PDE11A: variants seen among roughly 807,000 people sequenced by gnomAD.
PDE11A encodes dual 3',5'-cyclic-AMP and -GMP phosphodiesterase 11A.
PDE11A carries 100 observed loss-of-function variants against 100.5 expected under a neutral mutation model. The ratio of observed to expected loss-of-function variants is 1.00; its 90% CI spans 0.85 to 1.18. The LOEUF is 1.18. Among genes scored for constraint, PDE11A ranks in the 50% most tolerant of loss-of-function variants. The pLI is 0.00. For synonymous variants in PDE11A, 381 were observed against 420.8 expected, an observed-to-expected ratio of 0.91 and a Z score of 1.16; for missense variants, 1,141 against 1,152.6, an observed-to-expected ratio of 0.99 and a Z score of 0.15.
At chr2:177,742,681 C>T (rs1428120728) in intron 10 of PDE11A, among the ~76,000 whole-genome samples, 1 of 152,186 alleles carries the variant, frequency 6.6e-6, no homozygotes, top group Admixed American at 6.5e-5. Context: ...CTAGAGAGTC[C>T]ACCCCTTGGC....
At chr2:177,824,256 A>G (rs1441136804) in intron 6 of PDE11A, among the ~76,000 whole-genome samples, 1 of 152,236 alleles carries the variant, frequency 6.6e-6, no homozygotes, top group Non-Finnish European at 1.5e-5. Context: ...GACACACATT[A>G]CAAGTGAGAG....
chr2:177,930,946 G>A (rs1194196197), intron 2 of PDE11A, among the ~76,000 whole-genome samples: 1 of 152,170 alleles, frequency 6.6e-6, no homozygotes, highest in Non-Finnish European at 1.5e-5. Flanking sequence ...AGGGAGTCTT[G>A]CACTGTGGCT....
At chr2:177,689,370 C>T (rs995009534) in intron 15 of PDE11A, among the ~76,000 whole-genome samples, 3 of 152,208 alleles carry the variant, frequency 2.0e-5, no homozygotes, top group Non-Finnish European at 4.4e-5. Context: ...GCGTGAGCCA[C>T]TGTCCCCGGC....
At chr2:177,747,808 A>C (rs1426921739) in intron 10 of PDE11A, among the ~76,000 whole-genome samples, 1 of 152,144 alleles carries the variant, frequency 6.6e-6, no homozygotes, top group African/African-American at 2.4e-5. Flanking sequence ...GGAACAAACA[A>C]GAGATTGGCT....
In PDE11A at chr2:177,661,896, CA is replaced by C. The variant is rs964884172; in HGVS notation, c.2646+1969del. ...TAGGGCATTAGAAAGGTCACTACAC[CA>C]AAACAAAGGTCAGGGGTGAGCAGGA... On this transcript the variant is annotated intron_variant, in intron 19 of 19. Transcript: ENST00000286063. 3.3e-5 allele frequency among the ~76,000 whole-genome samples: 5 copies of C among 151,970 alleles called. No individual in the cohort carries two copies. In the South Asian group the frequency reaches 8.3e-4, roughly 25 times the overall value.
chr2:177,825,511 CTG>C (rs2083214262), intron 6 of PDE11A, among the ~76,000 whole-genome samples: 1 of 152,166 alleles, frequency 6.6e-6, no homozygotes, highest in African/African-American at 2.4e-5. Flanking sequence ...TTCTGGAAAA[CTG>C]TGCTAATCCA....
chr2:177,933,152 A>G (rs924257482), intron 2 of PDE11A, among the ~76,000 whole-genome samples: 1 of 152,174 alleles, frequency 6.6e-6, no homozygotes, highest in African/African-American at 2.4e-5. Flanking sequence ...GAAGAACTAC[A>G]AAACACTGTT....
chr2:177,639,316 A>T (rs774912724), intron 19 of PDE11A, among the ~76,000 whole-genome samples: 1 of 152,154 alleles, frequency 6.6e-6, no homozygotes, highest in Admixed American at 6.6e-5. Context: ...AACCATGGCT[A>T]GTAGTAGAGG....
chr2:177,880,421 C>T (rs1458602797), intron 4 of PDE11A, among the ~76,000 whole-genome samples: 1 of 152,190 alleles, frequency 6.6e-6, no homozygotes, highest in Non-Finnish European at 1.5e-5. Context: ...GGCAAAATTT[C>T]ATGCATCTTG....
intron 16 of PDE11A, among the ~76,000 whole-genome samples, chr2:177,680,189 G>A (rs2080840742): frequency 6.6e-6 from 1 of 152,104 alleles, no homozygotes; most frequent in Admixed American, 6.5e-5. Context: ...ACTTAGCAAT[G>A]TTAGAACAGG....
chr2:177,848,847 C>G (rs1410111281), intron 5 of PDE11A, among the ~76,000 whole-genome samples: 1 of 152,094 alleles, frequency 6.6e-6, no homozygotes, highest in Non-Finnish European at 1.5e-5. Context: ...AAAGTCCTGG[C>G]TTAGCTGAAG....
At chr2:177,894,109 C>T (rs2084573061) in intron 4 of PDE11A, among the ~76,000 whole-genome samples, 1 of 152,150 alleles carries the variant, frequency 6.6e-6, no homozygotes, top group Non-Finnish European at 1.5e-5. Context: ...GCTTCTTCTC[C>T]TGAATGTGGT....
rs202111041 is a variant in PDE11A at position 177,727,736 on chromosome 2, C to A, written c.1965G>T (p.Arg655Ser). Residue 655 changes from arginine (R) to serine (S), a missense_variant, in exon 12 of 20, where the codon AGG (arginine) becomes AGT (serine). Arg to Ser is a moderately radical substitution (Grantham distance 110). Coordinates refer to ENST00000286063, the MANE Select transcript of PDE11A (RefSeq NM_016953.4). ...ETLCRWLLTVRKNYRMVLYHN... is the reference protein window; with the variant it reads ...ETLCRWLLTVSKNYRMVLYHN... ...GGTATAGAACCATCCGATAGTTTTT[C>A]CTCACTGTCAAAAGCCACCTACACA... is the stretch of plus-strand genomic sequence containing the variant. The A allele has an allele frequency of 6.2e-7, 1 of 1,610,426 alleles. No individual in the cohort carries two copies. Among genetic ancestry groups the A allele is most frequent in the Non-Finnish European group, 8.5e-7 (1 of 1,176,862 alleles).
intron 14 of PDE11A, among the ~76,000 whole-genome samples, chr2:177,700,491 A>C (rs1054623117): frequency 6.6e-6 from 1 of 151,760 alleles, no homozygotes; most frequent in Non-Finnish European, 1.5e-5. Context: ...AGCCAGACTC[A>C]GTTAGTGGTT....
rs764560588 is a variant in PDE11A at position 177,816,938 on chromosome 2, C to A, written c.1645-17G>T. 2.0e-6 allele frequency: 3 copies of A among 1,491,442 alleles called. No homozygotes were observed. In the South Asian group the frequency reaches 3.4e-5, roughly 17 times the overall value. The allele number at this position is 1,491,442 out of a possible 1,614,324, so 92.4% of individuals were successfully genotyped here. ...GACAAAAGCCTAGGAAAGAGCAAACCTGCTAATTAAACATTGCAGCAACTC... is the reference window on the plus strand; with the variant it reads ...GACAAAAGCCTAGGAAAGAGCAAACATGCTAATTAAACATTGCAGCAACTC... On this transcript the variant is annotated splice_polypyrimidine_tract_variant and intron_variant, in intron 8 of 19. Transcript: ENST00000286063.
Position 177,711,763 on chromosome 2 carries a change from A to G in PDE11A, c.2153+6T>C. ...CATTAAAATAACAACAGTTTAGAAC[A>G]CTTACTTAGCTTGGAAGGCATTGTT... On this transcript the variant is annotated splice_donor_region_variant and intron_variant, in intron 13 of 19. Coordinates refer to ENST00000286063, the MANE Select transcript of PDE11A (RefSeq NM_016953.4). The G allele has an allele frequency of 6.9e-7, 1 of 1,445,498 alleles. No homozygotes were observed. The highest frequency in any genetic ancestry group is 9.7e-7 in the Non-Finnish European group (1 of 1,026,278). The allele number at this position is 1,445,498 out of a possible 1,614,324, so 89.5% of individuals were successfully genotyped here. A position where few individuals can be genotyped will look rare whatever the true frequency, so the allele number is the denominator to read the frequency against.
At chr2:177,751,479 A>C (rs1351017160) in intron 10 of PDE11A, among the ~76,000 whole-genome samples, 1 of 152,226 alleles carries the variant, frequency 6.6e-6, no homozygotes, top group East Asian at 1.9e-4. Flanking sequence ...TCTCCCATTG[A>C]GCTGGCAGGT....
chr2:178,107,872 C>G (rs1221810452), intron 1 of PDE11A, among the ~76,000 whole-genome samples: 7 of 152,008 alleles, frequency 4.6e-5, no homozygotes, highest in African/African-American at 1.7e-4. Flanking sequence ...CAGGCATGCA[C>G]CACTATGCCT....
At chr2:177,656,434 C>T (rs1041473858) in intron 19 of PDE11A, among the ~76,000 whole-genome samples, 25 of 152,254 alleles carry the variant, frequency 1.6e-4, no homozygotes, top group Admixed American at 1.0e-3. Context: ...GTTTGCATGA[C>T]GAAATTGTCA....
Sources: gnomAD v4.1 joint callset for allele counts (sites outside exome capture counted in the v4.1 genomes callset) on GRCh38, gnomAD v4.1.1 for gene constraint, MANE v1.5 for transcripts, NCBI Gene and HGNC (gene_info 2026-07-23, HGNC 2026-07-21) for gene names.